CRYBB1: variants seen among roughly 807,000 people sequenced by gnomAD.
CRYBB1 encodes the protein beta-crystallin B1.
CRYBB1 carries 16 observed loss-of-function variants against 29.5 expected under a neutral mutation model. The ratio of observed to expected loss-of-function variants is 0.54; its 90% CI spans 0.37 to 0.82. The LOEUF is 0.82. Among genes scored for constraint, CRYBB1 ranks in the 40% least tolerant of loss-of-function variants. The probability of loss-of-function intolerance (pLI) is 0.00; values close to 1 mark genes in which losing one functional copy is unlikely to be tolerated. For synonymous variants in CRYBB1, 127 were observed against 136.7 expected (o/e 0.93, Z 0.49); for missense variants, 300 against 350.5 (o/e 0.86, Z 1.15).
In CRYBB1 at chr22:26,607,991, G is replaced by A. The variant is rs766550440; in HGVS notation, c.330C>T (p.Arg110=). 1.4e-5 allele frequency: 23 copies of A among 1,614,178 alleles called. No individual in the cohort carries two copies. The Admixed American group carries it at 2.2e-4, about 15-fold the overall frequency. ...PWVAFEQSNF[R]GEMFILEKGE... ...CCTTCTCCAGGATGAACATCTCCCC[G>A]CGGAAGTTGGACTGCTCAAAGGCGA... The change falls in exon 4 of 6, where the codon CGC becomes CGT. Residue 110 remains arginine, a synonymous_variant. Coordinates refer to ENST00000647684, the MANE Select transcript of CRYBB1 (RefSeq NM_001887.4).
At chr22:26,615,517 C>A (rs1409887468) in intron 2 of CRYBB1, among the ~76,000 whole-genome samples, 1 of 151,022 alleles carries the variant, frequency 6.6e-6, no homozygotes, top group South Asian at 2.1e-4. Flanking sequence ...TCTTTCTATT[C>A]TTTTCTTTTT....
intron 5 of CRYBB1, among the ~76,000 whole-genome samples, chr22:26,600,938 A>G (rs1233659586): frequency 6.6e-6 from 1 of 152,222 alleles, no homozygotes. Context: ...TCTCACAGGT[A>G]TATCTGGGTT....
intron 4 of CRYBB1, 56 bp downstream of exon 4, chr22:26,607,833 A>T: frequency 6.2e-7 from 1 of 1,612,704 alleles, no homozygotes; most frequent in South Asian, 1.1e-5. Context: ...TCTCAGACTT[A>T]CACCTGCCCT....
intron 2 of CRYBB1, among the ~76,000 whole-genome samples, chr22:26,614,151 G>A (rs567603891): frequency 1.3e-4 from 20 of 152,220 alleles, no homozygotes; most frequent in Middle Eastern, 3.4e-3. Flanking sequence ...TTTTGCCCCG[G>A]TCCTGTGATC....
Position 26,610,845 on chromosome 22 carries a change from CAG to C in CRYBB1, c.299+1225_299+1226del, listed in dbSNP as rs1038303574. On this transcript the variant is annotated intron_variant, in intron 3 of 5. Transcript: ENST00000647684. ...AGGCTTGCACACTGAACAAGGCAAA[CAG>C]GGGAAGTCAGGACTCAAACCCAGGC... Among the ~76,000 whole-genome samples, 16 of 152,282 alleles carry C rather than the reference CAG, an allele frequency of 1.1e-4. No homozygotes were observed. In the South Asian group the frequency reaches 2.5e-3, roughly 24 times the overall value.
intron 1 of CRYBB1, 84 bp from the exon 2 acceptor site, chr22:26,616,422 C>T (rs1929357725): frequency 1.1e-6 from 1 of 905,210 alleles, no homozygotes; most frequent in Non-Finnish European, 1.8e-6. Context: ...CTTTCAGCCT[C>T]CTTGGAGCTC....
chr22:26,612,464 G>A (rs1367073305), intron 2 of CRYBB1, among the ~76,000 whole-genome samples: 1 of 152,172 alleles, frequency 6.6e-6, no homozygotes, highest in Non-Finnish European at 1.5e-5. Context: ...CCAGGCTCAA[G>A]CGATCCTCCC....
At chr22:26,611,941 T>C in intron 3 of CRYBB1, 131 bp downstream of exon 3, 2 of 750,452 alleles carry the variant, frequency 2.7e-6, no homozygotes, top group Non-Finnish European at 4.9e-6. Context: ...GATATGAGGA[T>C]TGGACATAAT....
intron 3 of CRYBB1, among the ~76,000 whole-genome samples, chr22:26,609,284 G>T (rs1929084083): frequency 6.6e-6 from 1 of 152,214 alleles, no homozygotes; most frequent in Non-Finnish European, 1.5e-5. Context: ...CCACACTGGA[G>T]TAAATTAAAG....
intron 5 of CRYBB1, 65 bp downstream of exon 5, chr22:26,601,814 G>C: frequency 2.5e-6 from 4 of 1,608,330 alleles, no homozygotes; most frequent in Non-Finnish European, 2.5e-6. Flanking sequence ...CCTGTAAGGG[G>C]AGCAGCCTCT....
Position 26,601,910 on chromosome 22 carries a change from G to A in CRYBB1, c.544C>T (p.Arg182Cys), listed in dbSNP as rs200746178. The stretch of plus-strand genomic sequence containing the variant: ...CTGGAGACCTTCACGCTGCCCACGC[G>A]GTCACTGAAGCCGTAGACCCAGAGA... Reference protein sequence around the residue: ...PSLWVYGFSDRVGSVKVSSGT... With the variant: ...PSLWVYGFSDCVGSVKVSSGT... Residue 182 changes from arginine to cysteine, a missense_variant, in exon 5 of 6, where the codon CGC becomes TGC. By Grantham distance (180) the Arg-to-Cys change is radical. Coordinates refer to ENST00000647684, the MANE Select transcript of CRYBB1 (RefSeq NM_001887.4). 2.1e-5 allele frequency: 34 copies of A among 1,612,496 alleles called. No individual in the cohort carries two copies. Among genetic ancestry groups the A allele is most frequent in the East Asian group, 2.0e-4 (9 of 44,836 alleles).
At chr22:26,613,704 C>G (rs1929251257) in intron 2 of CRYBB1, among the ~76,000 whole-genome samples, 1 of 152,084 alleles carries the variant, frequency 6.6e-6, no homozygotes, top group Non-Finnish European at 1.5e-5. Context: ...AATTGTACAG[C>G]ATGTGTGTTT....
At chr22:26,609,912 G>T (rs1202136514) in intron 3 of CRYBB1, among the ~76,000 whole-genome samples, 3 of 152,148 alleles carry the variant, frequency 2.0e-5, no homozygotes, top group African/African-American at 7.2e-5. Flanking sequence ...GAGATTATGA[G>T]GGCCTAAAAG....
At position 26,601,929 on chromosome 22, in the gene CRYBB1, C is replaced by A. The variant is rs1928832971; in HGVS notation, c.525G>T (p.Trp175Cys). Residue 175 changes from tryptophan to cysteine, a missense_variant, in exon 5 of 6, where the codon TGG (tryptophan) becomes TGT (cysteine). By Grantham distance (215) the Trp-to-Cys change is radical. Coordinates refer to ENST00000647684, the MANE Select transcript of CRYBB1 (RefSeq NM_001887.4). ...CCACGCGGTCACTGAAGCCGTAGAC[C>A]CAGAGACTGGGTGCGTCGTCCCCCT... ...EIQGDDAPSL[W>C]VYGFSDRVGS... 11 of 1,612,974 alleles carry A rather than the reference C, an allele frequency of 6.8e-6. No homozygotes were observed. Among genetic ancestry groups the A allele is most frequent in the Non-Finnish European group, 9.3e-6 (11 of 1,179,882 alleles).
intron 4 of CRYBB1, among the ~76,000 whole-genome samples, chr22:26,603,168 C>CATTT (rs2145959541): frequency 6.6e-6 from 1 of 150,864 alleles, no homozygotes; most frequent in South Asian, 2.1e-4. Flanking sequence ...CTGCCTCTGA[C>CATTT]ATTTATGCAC....
chr22:26,615,410 G>C (rs955028578), intron 2 of CRYBB1, among the ~76,000 whole-genome samples: 1 of 152,176 alleles, frequency 6.6e-6, no homozygotes, highest in Admixed American at 6.5e-5. Context: ...AAGCATGTGC[G>C]TGTGCAGGTG....
intron 1 of CRYBB1, 25 bp from the exon 2 acceptor site, chr22:26,616,363 G>A (rs1297762137): frequency 6.5e-7 from 1 of 1,544,338 alleles, no homozygotes; most frequent in South Asian, 1.1e-5. Flanking sequence ...TGGCCTTCAG[G>A]GATGACACCC....
intron 3 of CRYBB1, among the ~76,000 whole-genome samples, chr22:26,609,982 T>A (rs1299624888): frequency 6.6e-6 from 1 of 152,158 alleles, no homozygotes; most frequent in Non-Finnish European, 1.5e-5. Flanking sequence ...CTGTTCCTGA[T>A]TAAAGGGAGA....
At chr22:26,615,297 G>A (rs976967881) in intron 2 of CRYBB1, among the ~76,000 whole-genome samples, 3 of 152,118 alleles carry the variant, frequency 2.0e-5, no homozygotes, top group Non-Finnish European at 4.4e-5. Context: ...AGGGTCTGAG[G>A]CCATCCTGCT....
Sources: gnomAD v4.1 joint callset for allele counts (sites outside exome capture counted in the v4.1 genomes callset) on GRCh38, gnomAD v4.1.1 for gene constraint, MANE v1.5 for transcripts, NCBI Gene and HGNC (gene_info 2026-07-23, HGNC 2026-07-21) for gene names.